Variants in ZC3H12B observed in about 807,000 individuals in gnomAD.
ZC3H12B encodes the protein zinc finger CCCH-type containing 12B.
A neutral mutation model predicts 43.9 loss-of-function variants in ZC3H12B; 7 were observed. That is an observed-to-expected ratio of 0.16 (90% confidence interval 0.09 to 0.30). The LOEUF (loss-of-function observed/expected upper bound fraction) is 0.30. Among genes scored for constraint, ZC3H12B ranks in the 10% least tolerant of loss-of-function variants. The pLI is 1.00. For missense variants in ZC3H12B, 475 were observed against 670.2 expected (o/e 0.71, Z 3.22); for synonymous variants, 222 against 241.7 (o/e 0.92, Z 0.76).
At chrX:65,243,185 G>A in the ZC3H12B span, among the ~76,000 whole-genome samples, 2 of 111,667 alleles carry the variant, frequency 1.8e-5, no homozygotes, top group African/African-American at 6.5e-5. Flanking sequence ...GAACTGAAGA[G>A]ATAAAACAGA....
At chrX:65,162,754 T>G in the ZC3H12B span, among the ~76,000 whole-genome samples, 1 of 108,068 alleles carries the variant, frequency 9.3e-6, no homozygotes. Flanking sequence ...TCTGAAGCCT[T>G]CTTCTCTCAC....
intron 3 of ZC3H12B, among the ~76,000 whole-genome samples, chrX:65,436,112 A>G (rs2067218853): frequency 8.9e-6 from 1 of 112,616 alleles, no homozygotes; most frequent in African/African-American, 3.2e-5. Context: ...AGGGGAAGCT[A>G]GCACGTCTTA....
rs1481469795 is a variant in ZC3H12B, at chrX:65,501,917, G to A, written c.1219G>A (p.Gly407Ser). The A allele has an allele frequency of 3.3e-6, 4 of 1,208,884 alleles. No homozygotes were observed. In the African/African-American group the frequency reaches 7.0e-5, roughly 21 times the overall value. ...GTCCACAGTGAAAACTATGAGTGAA[G>A]GCACCCTGGCCAAGTGTGGCACAGG... Residue 407 changes from glycine to serine, a missense_variant, in exon 5 of 5, where the codon GGC (glycine) becomes AGC (serine). Gly to Ser is a moderately conservative substitution (Grantham distance 56, BLOSUM62 0). Around this residue, in one of 3 missense-constraint regions of ZC3H12B, gnomAD observed 289 missense variants for 359.9 expected, o/e 0.80. Transcript: ENST00000338957.
chrX:65,212,425 TA>T, the ZC3H12B span, among the ~76,000 whole-genome samples: 1 of 59,600 alleles, frequency 1.7e-5, no homozygotes, highest in African/African-American at 8.2e-5. Flanking sequence ...ATATGTAATA[TA>T]ATTATTATAT....
At chrX:65,475,722 G>T (rs1041213507) in intron 3 of ZC3H12B, among the ~76,000 whole-genome samples, 17 of 112,264 alleles carry the variant, frequency 1.5e-4, no homozygotes, top group African/African-American at 5.5e-4. Context: ...AGAAGGCAAA[G>T]GAGGAGCAAA....
At chrX:65,394,456 C>T (rs1295986539) in intron 2 of ZC3H12B, among the ~76,000 whole-genome samples, 9 of 112,125 alleles carry the variant, frequency 8.0e-5, no homozygotes, top group South Asian at 7.4e-4. Context: ...TATTAAATAG[C>T]GAATCTTTTC....
At chrX:65,446,720 C>T (rs545825838) in intron 3 of ZC3H12B, among the ~76,000 whole-genome samples, 3 of 112,032 alleles carry the variant, frequency 2.7e-5, no homozygotes, top group East Asian at 2.8e-4. Context: ...ACAGACACTG[C>T]AGAGGAATGC....
chrX:65,125,747 G>A, the ZC3H12B span, among the ~76,000 whole-genome samples: 1 of 110,915 alleles, frequency 9.0e-6, no homozygotes, highest in Non-Finnish European at 1.9e-5. Context: ...TTAAACTGCT[G>A]TTGCTTTAAA....
chrX:65,400,641 C>T (rs1248399743), intron 3 of ZC3H12B, among the ~76,000 whole-genome samples: 1 of 111,695 alleles, frequency 9.0e-6, no homozygotes, highest in Non-Finnish European at 1.9e-5. Context: ...AAGCAGTCTG[C>T]TTAGTTCTTC....
chrX:65,377,219 G>A (rs1292017320), intron 2 of ZC3H12B, among the ~76,000 whole-genome samples: 2 of 105,969 alleles, frequency 1.9e-5, no homozygotes, highest in Non-Finnish European at 3.8e-5. Flanking sequence ...ACAGTCCGAG[G>A]AGACAAAAAA....
the ZC3H12B span, among the ~76,000 whole-genome samples, chrX:65,080,419 TC>T: frequency 5.5e-5 from 6 of 109,824 alleles, no homozygotes; most frequent in African/African-American, 2.0e-4. Flanking sequence ...GAAGACTACC[TC>T]AAGGTATTTA....
At chrX:65,114,285 G>A in the ZC3H12B span, among the ~76,000 whole-genome samples, 1 of 108,470 alleles carries the variant, frequency 9.2e-6, no homozygotes, top group African/African-American at 3.3e-5. Flanking sequence ...GAATTGGAAA[G>A]AGTTCTTTAC....
chrX:65,068,690 T>G, the ZC3H12B span, among the ~76,000 whole-genome samples: 1 of 112,012 alleles, frequency 8.9e-6, no homozygotes, highest in Admixed American at 9.5e-5. Context: ...TTCTGTGTTT[T>G]TCTGTGTACT....
At chrX:65,349,432 C>A in the ZC3H12B span, among the ~76,000 whole-genome samples, 3 of 111,604 alleles carry the variant, frequency 2.7e-5, no homozygotes, top group East Asian at 2.8e-4. Flanking sequence ...AAATTTGACA[C>A]GCTAACATCA....
the ZC3H12B span, among the ~76,000 whole-genome samples, chrX:65,175,485 T>C: frequency 1.8e-5 from 2 of 112,334 alleles, no homozygotes; most frequent in Non-Finnish European, 3.8e-5. Flanking sequence ...AATATAAAGA[T>C]TGAAATGTTC....
chrX:65,209,748 C>T, the ZC3H12B span, among the ~76,000 whole-genome samples: 18 of 106,702 alleles, frequency 1.7e-4, no homozygotes, highest in Non-Finnish European at 2.3e-4. Flanking sequence ...GAACAGAGCC[C>T]TCAGAAATAA....
the ZC3H12B span, among the ~76,000 whole-genome samples, chrX:65,172,675 A>G: frequency 8.9e-6 from 1 of 112,230 alleles, no homozygotes; most frequent in East Asian, 2.8e-4. Flanking sequence ...CATTTATTAC[A>G]TAGGGAATCC....
intron 3 of ZC3H12B, among the ~76,000 whole-genome samples, chrX:65,401,171 A>G (rs1026666966): frequency 1.2e-4 from 13 of 111,022 alleles, no homozygotes; most frequent in African/African-American, 3.9e-4. Flanking sequence ...TGAAAGATGC[A>G]CTGAAGAGAT....
chrX:65,062,289 T>G, the ZC3H12B span, among the ~76,000 whole-genome samples: 3 of 112,539 alleles, frequency 2.7e-5, no homozygotes, highest in Non-Finnish European at 5.6e-5. Context: ...TTTTATGGTT[T>G]TAGGTCTTAC....
Sources: allele counts gnomAD v4.1 joint callset (sites outside exome capture counted in the v4.1 genomes callset), GRCh38; gene constraint gnomAD v4.1.1; regional missense constraint gnomAD v4.1.1; transcripts MANE v1.5; gene names NCBI Gene and HGNC (gene_info 2026-07-23, HGNC 2026-07-21).